PAX2: variants seen among roughly 807,000 people sequenced by gnomAD.
PAX2 encodes paired box protein Pax-2.
A neutral mutation model predicts 41.7 loss-of-function variants in PAX2; 9 were observed. The ratio of observed to expected loss-of-function variants is 0.22; its 90% confidence interval spans 0.13 to 0.38. The LOEUF (loss-of-function observed/expected upper bound fraction) is 0.38. PAX2 is among the 10% of genes least tolerant of loss of function. The pLI is 1.00. For missense variants in PAX2, 418 were observed against 531.6 expected (o/e 0.79, Z 2.10); for synonymous variants, 221 against 212.7 (o/e 1.04, Z -0.34).
At chr10:100,751,697 G>A (rs1221651515) in intron 3 of PAX2, among the ~76,000 whole-genome samples, 1 of 152,162 alleles carries the variant, frequency 6.6e-6, no homozygotes, top group East Asian at 1.9e-4. Flanking sequence ...GAGAACACAT[G>A]TGCACACTCC....
rs141354155 is a variant in PAX2 at position 100,776,651 on chromosome 10, C to T, written c.411-2847C>T. ...CTCTGTGTGCCTGCTGATGCAGGGGCATTGCCCCTGGACGCTCCTCTTTCA... is the reference window on the plus strand; with the variant it reads ...CTCTGTGTGCCTGCTGATGCAGGGGTATTGCCCCTGGACGCTCCTCTTTCA... On this transcript the variant is annotated intron_variant, in intron 3 of 9. Coordinates refer to ENST00000355243, the MANE Select transcript of PAX2 (RefSeq NM_000278.5). Among the ~76,000 whole-genome samples, 520 of 152,296 alleles carry T rather than the reference C, an allele frequency of 3.4e-3. 7 individuals carry two copies. The highest frequency in any genetic ancestry group is 0.027 in the Middle Eastern group (8 of 292).
chr10:100,819,923 A>G (rs1419258832), intron 7 of PAX2, among the ~76,000 whole-genome samples: 1 of 152,236 alleles, frequency 6.6e-6, no homozygotes, highest in Non-Finnish European at 1.5e-5. Context: ...GCACTGTCTG[A>G]TGCAGTTGTA....
Position 100,748,824 on chromosome 10 carries a change from G to C in PAX2, c.44-922G>C. 1 of 985,440 alleles carries C rather than the reference G, an allele frequency of 1.0e-6. No individual in the cohort carries two copies. The highest frequency in any genetic ancestry group is 1.2e-6 in the Non-Finnish European group (1 of 829,986). The allele number at this position is 985,440 out of a possible 1,614,324, so 61.0% of individuals were successfully genotyped here. On this transcript the variant is annotated intron_variant, in intron 1 of 9. Transcript: ENST00000355243. The surrounding 1 kb of genome is among the most constrained non-coding windows in gnomAD (Gnocchi z 5.0). ...GGTCTGAGGGGTCAAAGGGACTCGAGTCGGGTTTGGGTCGGCTACACAGGG... is the reference window on the plus strand; with the variant it reads ...GGTCTGAGGGGTCAAAGGGACTCGACTCGGGTTTGGGTCGGCTACACAGGG...
intron 1 of PAX2, among the ~76,000 whole-genome samples, chr10:100,738,778 A>G (rs1483283313): frequency 6.6e-6 from 1 of 152,142 alleles, no homozygotes; most frequent in Non-Finnish European, 1.5e-5. Context: ...ATAATTCTGG[A>G]TGTAGGTGAC....
At chr10:100,763,202 A>G (rs2133862585) in intron 3 of PAX2, among the ~76,000 whole-genome samples, 1 of 152,274 alleles carries the variant, frequency 6.6e-6, no homozygotes, top group African/African-American at 2.4e-5. Context: ...ATTCATGAGC[A>G]CTTGCTGACA....
At chr10:100,743,039 C>T (rs1397309632), upstream of PAX2, among the ~76,000 whole-genome samples, 1 of 151,690 alleles carries the variant, frequency 6.6e-6, no homozygotes, top group Non-Finnish European at 1.5e-5. Flanking sequence ...GGTTCCTAAT[C>T]TCCAGGGAGC....
intron 3 of PAX2, among the ~76,000 whole-genome samples, chr10:100,756,558 C>A (rs1359390737): frequency 2.0e-5 from 3 of 152,122 alleles, no homozygotes; most frequent in Non-Finnish European, 4.4e-5. Flanking sequence ...TGACTTTGGC[C>A]AACTGTAAAT....
At position 100,818,720 on chromosome 10, in the gene PAX2, CAAG is replaced by C. The variant is rs552211424; in HGVS notation, c.920-5924_920-5922del. ...GGAAGAAACTGAAACACATAAGAAA[CAAG>C]AAGTGACAAGATGTTCTGTTATAGG... On this transcript the variant is annotated intron_variant, in intron 7 of 9. Coordinates refer to ENST00000355243, the MANE Select transcript of PAX2 (RefSeq NM_000278.5). 4.1e-3 allele frequency among the ~76,000 whole-genome samples: 624 copies of C among 152,238 alleles called. 3 individuals carry two copies. Among genetic ancestry groups the C allele is most frequent in the Non-Finnish European group, 7.6e-3 (514 of 67,990 alleles).
chr10:100,797,465 G>A (rs955527678), intron 5 of PAX2, among the ~76,000 whole-genome samples: 1 of 152,098 alleles, frequency 6.6e-6, no homozygotes, highest in African/African-American at 2.4e-5. Context: ...TACAAAATGG[G>A]GACAATAATG....
At chr10:100,743,283 G>T (rs1022124833), upstream of PAX2, among the ~76,000 whole-genome samples, 3 of 152,160 alleles carry the variant, frequency 2.0e-5, no homozygotes, top group African/African-American at 7.2e-5. Context: ...CACACTTGGC[G>T]CATTAAGTCC....
chr10:100,743,046 G>A (rs1421369338), upstream of PAX2, among the ~76,000 whole-genome samples: 2 of 151,576 alleles, frequency 1.3e-5, no homozygotes, highest in Admixed American at 6.6e-5. Context: ...AATCTCCAGG[G>A]AGCATTACTC....
intron 5 of PAX2, among the ~76,000 whole-genome samples, chr10:100,790,666 T>C (rs1475802334): frequency 6.6e-6 from 1 of 152,174 alleles, no homozygotes; most frequent in African/African-American, 2.4e-5. Flanking sequence ...GAAAAAGGGT[T>C]TGGAGAGGAT....
chr10:100,802,912 A>G (rs984344895), intron 5 of PAX2, among the ~76,000 whole-genome samples: 1 of 152,088 alleles, frequency 6.6e-6, no homozygotes, highest in African/African-American at 2.4e-5. Context: ...TCTGCCAGAC[A>G]GCCCTTCAAC....
chr10:100,789,725 A>G (rs976362956), intron 5 of PAX2, among the ~76,000 whole-genome samples: 45 of 152,372 alleles, frequency 3.0e-4, no homozygotes, highest in Middle Eastern at 3.4e-3. Flanking sequence ...ATTTATGAAC[A>G]CACATTCATT....
rs1431383114 is a variant in PAX2, at chr10:100,746,132, C to G, written c.-129C>G. On this transcript the variant is annotated 5_prime_UTR_variant, in exon 1 of 10. Coordinates refer to ENST00000355243, the MANE Select transcript of PAX2 (RefSeq NM_000278.5). ...CTGCGCCCCCCGCCCCCGCGCGCCCCGCAGCAGCCGGGCGTTCACTCATCC... is the reference window on the plus strand; with the variant it reads ...CTGCGCCCCCCGCCCCCGCGCGCCCGGCAGCAGCCGGGCGTTCACTCATCC... 1.3e-6 allele frequency: 2 copies of G among 1,571,240 alleles called. No individual in the cohort carries two copies. Among genetic ancestry groups the G allele is most frequent in the South Asian group, 1.2e-5 (1 of 85,130 alleles).
At chr10:100,825,384 C>T (rs998198118) in intron 8 of PAX2, among the ~76,000 whole-genome samples, 5 of 152,154 alleles carry the variant, frequency 3.3e-5, no homozygotes, top group African/African-American at 1.2e-4. Context: ...GGGGCTCTGA[C>T]CCATCCCTAA....
Position 100,745,673 on chromosome 10 carries a change from C to A in PAX2, c.-588C>A. ...TCGGCTCCCTCCCTCCCTCCCGGCCCTTCGGCCGCGGCGGCGTGCGCCTGC... is the reference window on the plus strand; with the variant it reads ...TCGGCTCCCTCCCTCCCTCCCGGCCATTCGGCCGCGGCGGCGTGCGCCTGC... On this transcript the variant is annotated 5_prime_UTR_variant, in exon 1 of 10. Transcript: ENST00000355243. The A allele has an allele frequency of 1.1e-6, 1 of 895,074 alleles. No individual in the cohort carries two copies. The highest frequency in any genetic ancestry group is 1.4e-6 in the Non-Finnish European group (1 of 735,680). 55.4% of individuals were successfully genotyped at this position (895,074 alleles called of 1,614,324 possible).
chr10:100,750,634 C>G lies in PAX2; in HGVS notation c.213-60C>G. On this transcript the variant is annotated intron_variant, in intron 2 of 9. Coordinates refer to ENST00000355243, the MANE Select transcript of PAX2 (RefSeq NM_000278.5). This position sits in a 1 kb window ranked among gnomAD's most constrained non-coding sequence, Gnocchi z 4.1. Reference sequence around the variant, plus strand: ...AGTGGCTCAGCAGCTCTGGAACCTGCAGCCCCCCTGCCCCGCCACAGTCCG... The same window carrying G: ...AGTGGCTCAGCAGCTCTGGAACCTGGAGCCCCCCTGCCCCGCCACAGTCCG... 5.5e-6 allele frequency: 8 copies of G among 1,458,672 alleles called. No homozygotes were observed. The highest frequency in any genetic ancestry group is 7.7e-6 in the Non-Finnish European group (8 of 1,044,772). 90.4% of individuals were successfully genotyped at this position (1,458,672 alleles called of 1,614,324 possible).
intron 3 of PAX2, among the ~76,000 whole-genome samples, chr10:100,766,903 A>G (rs1013827723): frequency 6.6e-6 from 1 of 152,198 alleles, no homozygotes; most frequent in Non-Finnish European, 1.5e-5. Flanking sequence ...TACATTAGGG[A>G]AAAAAGATGC....
Sources: gnomAD v4.1 joint callset for allele counts (sites outside exome capture counted in the v4.1 genomes callset) on GRCh38, gnomAD v4.1.1 for gene constraint, Gnocchi (gnomAD v3.1) non-coding constraint, MANE v1.5 for transcripts, NCBI Gene and HGNC (gene_info 2026-07-23, HGNC 2026-07-21) for gene names.